CACNA1C: variants seen among roughly 807,000 people sequenced by gnomAD.
CACNA1C encodes calcium voltage-gated channel subunit alpha1 C, also known as voltage-dependent L-type calcium channel subunit alpha-1C.
CACNA1C carries 30 observed loss-of-function variants against 229.0 expected under a neutral mutation model. The observed-to-expected ratio is 0.13, with a 90% CI of 0.10 to 0.18. The LOEUF (loss-of-function observed/expected upper bound fraction) is 0.18, where lower values mean the gene tolerates loss of function less well. CACNA1C is among the 10% of genes least tolerant of loss of function. The pLI is 1.00. For synonymous variants in CACNA1C, 1,114 were observed against 1,132.5 expected, an observed-to-expected ratio of 0.98 and a Z score of 0.33; for missense variants, 1,658 against 2,845.0, an observed-to-expected ratio of 0.58 and a Z score of 9.49.
intron 9 of CACNA1C, among the ~76,000 whole-genome samples, chr12:2,540,468 G>C (rs12833174): frequency 6.6e-6 from 1 of 151,710 alleles, no homozygotes; most frequent in Admixed American, 6.6e-5. Flanking sequence ...TAGATCAGGG[G>C]TCAGCTAACT....
chr12:2,136,049 G>A (rs1265844949), intron 3 of CACNA1C, among the ~76,000 whole-genome samples: 2 of 150,788 alleles, frequency 1.3e-5, no homozygotes, highest in East Asian at 1.9e-4. Context: ...CGCAATATTC[G>A]GGTGGGAGTG....
In CACNA1C at chr12:2,096,802, G is replaced by C. The variant is rs185092459; in HGVS notation, c.50-18422G>C. ...CTTTCTCTCTTTACAACTATTCTAG[G>C]TACCTCATATAAGTAGAATTATTCA... On this transcript the variant is annotated intron_variant, in intron 1 of 46. Coordinates refer to ENST00000399655, the MANE Select transcript of CACNA1C (RefSeq NM_000719.7). Among the ~76,000 whole-genome samples the C allele has an allele frequency of 8.5e-5, 13 of 152,110 alleles. No homozygotes were observed. In the East Asian group the frequency reaches 2.5e-3, roughly 29 times the overall value.
intron 29 of CACNA1C, chr12:2,612,377 C>G: frequency 5.6e-6 from 1 of 178,032 alleles, no homozygotes; most frequent in Admixed American, 5.8e-5. Context: ...ACTGGCAGAC[C>G]AAACCTCTCC....
intron 7 of CACNA1C, among the ~76,000 whole-genome samples, chr12:2,503,177 C>A (rs2099764441): frequency 6.6e-6 from 1 of 152,206 alleles, no homozygotes; most frequent in Admixed American, 6.5e-5. Context: ...ACGTGGGTTG[C>A]TGGGCCTTCC....
intron 5 of CACNA1C, among the ~76,000 whole-genome samples, chr12:2,481,689 C>T (rs565514398): frequency 5.3e-5 from 8 of 152,224 alleles, no homozygotes; most frequent in Admixed American, 1.3e-4. Context: ...TTGCATGGAA[C>T]CGTATGTTCC....
At chr12:2,564,509 A>G (rs1373228630) in intron 11 of CACNA1C, among the ~76,000 whole-genome samples, 1 of 152,114 alleles carries the variant, frequency 6.6e-6, no homozygotes, top group Non-Finnish European at 1.5e-5. Flanking sequence ...TGTATCTTCA[A>G]TGCCTCGTGG....
chr12:2,540,082 T>C (rs1386604626), intron 9 of CACNA1C, among the ~76,000 whole-genome samples: 1 of 152,130 alleles, frequency 6.6e-6, no homozygotes, highest in Non-Finnish European at 1.5e-5. Context: ...TGTGCTGCAG[T>C]TGGGGAGCGA....
chr12:2,026,922 G>A (rs1046955611), intron 1 of CACNA1C, among the ~76,000 whole-genome samples: 40 of 152,216 alleles, frequency 2.6e-4, no homozygotes, highest in African/African-American at 8.9e-4. Flanking sequence ...ACCCTGTTAT[G>A]TTTTAAAAGA....
intron 3 of CACNA1C, among the ~76,000 whole-genome samples, chr12:2,302,296 C>T (rs1215108761): frequency 1.3e-5 from 2 of 152,000 alleles, no homozygotes; most frequent in East Asian, 1.9e-4. Context: ...CAGAGGCTGA[C>T]GTCAGGAACA....
chr12:2,185,337 C>T (rs765103317), intron 3 of CACNA1C, among the ~76,000 whole-genome samples: 3 of 152,202 alleles, frequency 2.0e-5, no homozygotes, highest in African/African-American at 4.8e-5. Context: ...TATCCCACCA[C>T]GCCCTCAGGG....
chr12:2,360,156 A>ACCCCCCCCCCCCCCC (rs796441635), intron 3 of CACNA1C, among the ~76,000 whole-genome samples: 3 of 57,072 alleles, frequency 5.3e-5, no homozygotes, highest in Non-Finnish European at 1.0e-4. Flanking sequence ...AACACACCCC[A>ACCCCCCCCCCCCCCC]CCCCCCCCCA....
chr12:2,385,373 GAAA>G (rs1034709109), intron 3 of CACNA1C, among the ~76,000 whole-genome samples: 9 of 143,480 alleles, frequency 6.3e-5, no homozygotes, highest in Non-Finnish European at 1.1e-4. Flanking sequence ...GTTCTGATAG[GAAA>G]AAAAAAAAAT....
rs374949659 is a variant in CACNA1C at position 2,377,544 on chromosome 12, C to T, written c.478-71432C>T. ...TTTTATTTGCTGTCAGCATGGTTCGCGTTGCAATTTCGATTGTGGGAAGAC... is the reference window on the plus strand; with the variant it reads ...TTTTATTTGCTGTCAGCATGGTTCGTGTTGCAATTTCGATTGTGGGAAGAC... On this transcript the variant is annotated intron_variant, in intron 3 of 46. Coordinates refer to ENST00000399655, the MANE Select transcript of CACNA1C (RefSeq NM_000719.7). Among the ~76,000 whole-genome samples, 39 of 152,230 alleles carry T rather than the reference C, an allele frequency of 2.6e-4. No individual in the cohort carries two copies. In the East Asian group the frequency reaches 3.5e-3, roughly 14 times the overall value.
intron 9 of CACNA1C, among the ~76,000 whole-genome samples, chr12:2,542,761 C>G (rs1477305395): frequency 6.6e-6 from 1 of 152,172 alleles, no homozygotes; most frequent in Non-Finnish European, 1.5e-5. Flanking sequence ...AAGACAATAA[C>G]TGGGCACCTC....
chr12:2,115,677 G>A, intron 2 of CACNA1C, 132 bp downstream of exon 2: 1 of 778,920 alleles, frequency 1.3e-6, no homozygotes, highest in South Asian at 1.7e-5. Flanking sequence ...TACTGCATCT[G>A]CATCACTGGG....
chr12:2,275,021 G>C lies in CACNA1C; in HGVS notation c.477+154591G>C, dbSNP rs1339052939. 6.6e-6 allele frequency among the ~76,000 whole-genome samples: 1 copy of C among 152,224 alleles called. No individual in the cohort carries two copies. The highest frequency in any genetic ancestry group is 1.5e-5 in the Non-Finnish European group (1 of 68,044). Reference sequence around the variant, plus strand: ...CAGGCCTCTTGACAGAGTGATGATTGGGATTCCATGCCTGCACCAGTGGTG... The same window carrying C: ...CAGGCCTCTTGACAGAGTGATGATTCGGATTCCATGCCTGCACCAGTGGTG... On this transcript the variant is annotated intron_variant, in intron 3 of 46. Transcript: ENST00000399655. This position sits in a 1 kb window ranked among gnomAD's most constrained non-coding sequence, Gnocchi z 4.1.
chr12:1,996,617 A>T (rs2470399), intron 1 of CACNA1C, among the ~76,000 whole-genome samples: 18,373 of 59,766 alleles, frequency 0.31, 1,890 homozygotes, highest in Admixed American at 0.34. Flanking sequence ...CTGATGAGCT[A>T]AAAAAAAAAA....
At chr12:2,097,265 C>G (rs1166852416) in intron 1 of CACNA1C, among the ~76,000 whole-genome samples, 1 of 152,120 alleles carries the variant, frequency 6.6e-6, no homozygotes, top group Non-Finnish European at 1.5e-5. Context: ...CCTGCCTCAG[C>G]CTCCCGTGTA....
At chr12:2,562,123 G>A (rs1487119403) in intron 11 of CACNA1C, among the ~76,000 whole-genome samples, 10 of 150,036 alleles carry the variant, frequency 6.7e-5, no homozygotes, top group Non-Finnish European at 1.5e-4. Flanking sequence ...GTCTGCTCAG[G>A]AGCACCCCAG....
Sources: allele counts gnomAD v4.1 joint callset (sites outside exome capture counted in the v4.1 genomes callset), GRCh38; gene constraint gnomAD v4.1.1; non-coding constraint Gnocchi (gnomAD v3.1); transcripts MANE v1.5; gene names NCBI Gene and HGNC (gene_info 2026-07-23, HGNC 2026-07-21).